Variants in FRYL observed in about 807,000 individuals in gnomAD.
The protein encoded by FRYL is protein furry homolog-like.
FRYL carries 150 observed loss-of-function variants against 351.2 expected under a neutral mutation model. The observed-to-expected ratio is 0.43, with a 90% CI of 0.37 to 0.49. FRYL has a LOEUF of 0.49. Among genes scored for constraint, FRYL ranks in the 20% least tolerant of loss-of-function variants. The probability of loss-of-function intolerance (pLI) is 0.00; values close to 1 mark genes in which losing one functional copy is unlikely to be tolerated. For missense variants in FRYL, 3,036 were observed against 3,619.3 expected, an observed-to-expected ratio of 0.84 and a Z score of 4.13; for synonymous variants, 1,153 against 1,257.1, an observed-to-expected ratio of 0.92 and a Z score of 1.75.
chr4:48,539,442 G>A (rs1015268789), intron 47 of FRYL, among the ~76,000 whole-genome samples: 7 of 151,976 alleles, frequency 4.6e-5, no homozygotes, highest in African/African-American at 1.5e-4. Flanking sequence ...TCCATTCTTC[G>A]ATAGTGATCT....
At chr4:48,575,072 C>T (rs766089837) in intron 25 of FRYL, 45 bp downstream of exon 25, 10 of 1,602,704 alleles carry the variant, frequency 6.2e-6, no homozygotes, top group East Asian at 4.5e-5. Context: ...CTAAGTAGCA[C>T]ATTTATTCTT....
At chr4:48,747,131 G>A (rs1772768588) in intron 1 of FRYL, among the ~76,000 whole-genome samples, 1 of 149,766 alleles carries the variant, frequency 6.7e-6, no homozygotes, top group South Asian at 2.1e-4. Context: ...ATGAGAGAGG[G>A]AGGTTCCCTC....
intron 3 of FRYL, among the ~76,000 whole-genome samples, chr4:48,651,955 T>C (rs1233224598): frequency 1.3e-5 from 2 of 152,206 alleles, no homozygotes; most frequent in African/African-American, 2.4e-5. Flanking sequence ...TACTTCAGAA[T>C]GGTAAAGACA....
At chr4:48,656,337 T>TTATATAATATATACTAAA (rs1470041052) in intron 3 of FRYL, among the ~76,000 whole-genome samples, 34 of 126,638 alleles carry the variant, frequency 2.7e-4, no homozygotes, top group Non-Finnish European at 5.0e-4. Context: ...ACTAAATATA[T>TTATATAATATATACTAAA]TATATAATAT....
intron 15 of FRYL, 39 bp downstream of exon 15, chr4:48,595,551 C>T: frequency 1.7e-6 from 2 of 1,197,084 alleles, no homozygotes; most frequent in East Asian, 2.5e-5. Flanking sequence ...ATTACTCTAA[C>T]AATTTATATA....
intron 3 of FRYL, among the ~76,000 whole-genome samples, chr4:48,640,442 C>T (rs927651479): frequency 6.6e-5 from 10 of 152,074 alleles, no homozygotes; most frequent in Admixed American, 4.6e-4. Context: ...AACTATATGA[C>T]ATTCTGGAAA....
At chr4:48,537,217 A>AT (rs1729080381) in intron 47 of FRYL, among the ~76,000 whole-genome samples, 1 of 152,286 alleles carries the variant, frequency 6.6e-6, no homozygotes, top group South Asian at 2.1e-4. Context: ...TTCTTAAATA[A>AT]TTTTTTTAAG....
intron 1 of FRYL, among the ~76,000 whole-genome samples, chr4:48,724,348 G>C (rs1399712125): frequency 6.6e-6 from 1 of 151,952 alleles, no homozygotes; most frequent in Non-Finnish European, 1.5e-5. Context: ...CTGTGTGCTT[G>C]CTAACCCCTC....
At chr4:48,625,978 C>A (rs1475882165) in intron 4 of FRYL, among the ~76,000 whole-genome samples, 1 of 152,012 alleles carries the variant, frequency 6.6e-6, no homozygotes, top group Non-Finnish European at 1.5e-5. Context: ...ACTTCATTTT[C>A]ATTTTCTGAG....
At chr4:48,713,731 G>C (rs1219793306) in intron 1 of FRYL, among the ~76,000 whole-genome samples, 2 of 151,670 alleles carry the variant, frequency 1.3e-5, no homozygotes, top group African/African-American at 2.4e-5. Context: ...AAGTTAACAA[G>C]GAAACCCAGG....
At chr4:48,681,774 A>G (rs1416611925) in intron 3 of FRYL, among the ~76,000 whole-genome samples, 4 of 152,190 alleles carry the variant, frequency 2.6e-5, no homozygotes, top group Non-Finnish European at 5.9e-5. Flanking sequence ...GATAATTTTA[A>G]ATATATGGAT....
intron 3 of FRYL, among the ~76,000 whole-genome samples, chr4:48,639,515 T>C (rs1426880689): frequency 1.3e-5 from 2 of 151,760 alleles, no homozygotes; most frequent in African/African-American, 4.8e-5. Flanking sequence ...ACAGAACTTA[T>C]ACCTTCTGCA....
chr4:48,583,206 C>CA (rs1392265369), intron 19 of FRYL, among the ~76,000 whole-genome samples: 1 of 151,610 alleles, frequency 6.6e-6, no homozygotes, highest in Admixed American at 6.6e-5. Context: ...GGCTGGAGTG[C>CA]AGCGGCATGA....
At chr4:48,770,667 C>T (rs956129303) in intron 1 of FRYL, among the ~76,000 whole-genome samples, 1 of 152,082 alleles carries the variant, frequency 6.6e-6, no homozygotes, top group African/African-American at 2.4e-5. Context: ...GAACTCGCAA[C>T]CTCAGGTGAT....
rs534173268 is a variant in FRYL at position 48,560,052 on chromosome 4, G to A, written c.3865+1416C>T. On this transcript the variant is annotated intron_variant, in intron 33 of 63. Transcript: ENST00000358350. ...GGACTGAGAATATGGAATAGTGAGT[G>A]TATATACTCGAGGCAAGGCACAGGG... 1.7e-4 allele frequency among the ~76,000 whole-genome samples: 26 copies of A among 152,190 alleles called. No homozygotes were observed. The South Asian group carries it at 4.8e-3, about 28-fold the overall frequency.
intron 2 of FRYL, among the ~76,000 whole-genome samples, chr4:48,706,473 G>A (rs181554171): frequency 2.0e-5 from 3 of 152,296 alleles, no homozygotes; most frequent in Non-Finnish European, 4.4e-5. Context: ...AATGGTGGTT[G>A]TCAGGGGCTG....
chr4:48,772,315 G>A (rs188747022), intron 1 of FRYL, among the ~76,000 whole-genome samples: 48 of 151,982 alleles, frequency 3.2e-4, no homozygotes, highest in African/African-American at 1.1e-3. Context: ...GAGACCTGCC[G>A]GTAAAGGCCA....
chr4:48,582,743 A>G lies in FRYL; in HGVS notation c.1749-9T>C. On this transcript the variant is annotated splice_polypyrimidine_tract_variant and intron_variant, in intron 19 of 63. Coordinates refer to ENST00000358350, the MANE Select transcript of FRYL (RefSeq NM_015030.2). Reference sequence around the variant, plus strand: ...CCATATGAATTGTGAGCCTACCAAGAACAAAATTCCATTAGCAAACTTCAA... The same window carrying G: ...CCATATGAATTGTGAGCCTACCAAGGACAAAATTCCATTAGCAAACTTCAA... The G allele has an allele frequency of 6.3e-7, 1 of 1,595,300 alleles. No homozygotes were observed. Among genetic ancestry groups the G allele is most frequent in the Non-Finnish European group, 8.6e-7 (1 of 1,163,786 alleles).
chr4:48,563,986 G>A lies in FRYL; in HGVS notation c.3558C>T (p.Ala1186=), dbSNP rs374917211. The part of the protein sequence containing the change: ...RCYTGSGRVA[A]GCFKAIANVF... Reference sequence around the variant, plus strand: ...CATTAGCAATGGCTTTAAAGCAGCCGGCCGCCACCCTCCCGGAGCCCGTGT... The same window carrying A: ...CATTAGCAATGGCTTTAAAGCAGCCAGCCGCCACCCTCCCGGAGCCCGTGT... Residue 1186 remains alanine, a synonymous_variant, in exon 31 of 64, where the codon GCC becomes GCT. Coordinates refer to ENST00000358350, the MANE Select transcript of FRYL (RefSeq NM_015030.2). 5.7e-5 allele frequency: 92 copies of A among 1,613,910 alleles called. No homozygotes were observed. Among genetic ancestry groups the A allele is most frequent in the Non-Finnish European group, 7.0e-5 (83 of 1,179,986 alleles).
Sources: gnomAD v4.1 joint callset for allele counts (sites outside exome capture counted in the v4.1 genomes callset) on GRCh38, gnomAD v4.1.1 for gene constraint, MANE v1.5 for transcripts, NCBI Gene and HGNC (gene_info 2026-07-23, HGNC 2026-07-21) for gene names.